CTSS: variants seen among roughly 807,000 people sequenced by gnomAD.
CTSS encodes the protein cathepsin S.
Under a neutral mutation model 39.9 loss-of-function variants are expected in CTSS, and 15 were observed. The observed-to-expected ratio is 0.38, with a 90% CI of 0.25 to 0.58. CTSS has a LOEUF of 0.58. Ranked by LOEUF, CTSS falls within the 20% of genes least tolerant of loss-of-function variation. The pLI is 0.70. For missense variants in CTSS, 250 were observed against 398.2 expected (o/e 0.63, Z 3.17); for synonymous variants, 126 against 138.2 (o/e 0.91, Z 0.62).
At chr1:150,733,930 T>G (rs891979311) in intron 7 of CTSS, among the ~76,000 whole-genome samples, 5 of 152,172 alleles carry the variant, frequency 3.3e-5, no homozygotes, top group Admixed American at 6.5e-5. Flanking sequence ...TTCGAGTAGA[T>G]CAGTGTTTCA....
chr1:150,752,091 G>T, intron 4 of CTSS, 83 bp from the exon 5 acceptor site: 2 of 1,378,866 alleles, frequency 1.5e-6, no homozygotes, highest in Non-Finnish European at 2.0e-6. Context: ...ACAACGCTCA[G>T]CTACATCAGT....
At position 150,751,952 on chromosome 1, in the gene CTSS, C is replaced by T. The variant is rs1653017059; in HGVS notation, c.456G>A (p.Leu152=). The T allele has an allele frequency of 1.9e-6, 3 of 1,614,212 alleles. No homozygotes were observed. Among genetic ancestry groups the T allele is most frequent in the Non-Finnish European group, 2.5e-6 (3 of 1,180,042 alleles). ...FSAVGALEAQ[L]KLKTGKLVSL... The stretch of plus-strand genomic sequence containing the variant: ...ACACCAGCTTTCCTGTTTTCAGCTT[C>T]AGCTGTGCTTCCAGGGCCCCCACAG... Residue 152 remains leucine, a synonymous_variant, in exon 5 of 8, where the codon CTG becomes CTA. Transcript: ENST00000368985.
chr1:150,764,845 C>T, intron 1 of CTSS, 81 bp from the exon 2 acceptor site: 1 of 1,514,910 alleles, frequency 6.6e-7, no homozygotes, highest in South Asian at 1.2e-5. Flanking sequence ...GAGAAAATAA[C>T]AATGCAAAGT....
intron 7 of CTSS, among the ~76,000 whole-genome samples, chr1:150,747,555 A>C (rs1372909177): frequency 1.3e-5 from 2 of 152,170 alleles, no homozygotes; most frequent in East Asian, 3.8e-4. Context: ...TAATCACAGA[A>C]GTAGTACAGA....
At chr1:150,755,230 AT>A in intron 3 of CTSS, 80 bp from the exon 4 acceptor site, 2 of 1,496,110 alleles carry the variant, frequency 1.3e-6, no homozygotes, top group South Asian at 2.4e-5. Context: ...TGATTTTGTC[AT>A]TGTGAAAACA....
chr1:150,736,701 CCA>C (rs1652642053), intron 7 of CTSS, among the ~76,000 whole-genome samples: 1 of 152,060 alleles, frequency 6.6e-6, no homozygotes, highest in African/African-American at 2.4e-5. Flanking sequence ...TCAATTGCCC[CCA>C]GTTTTGCAAA....
chr1:150,735,438 T>C (rs1652614021), intron 7 of CTSS, among the ~76,000 whole-genome samples: 1 of 152,180 alleles, frequency 6.6e-6, no homozygotes, highest in African/African-American at 2.4e-5. Flanking sequence ...GGTCAGTCCT[T>C]CTCAAACATT....
intron 3 of CTSS, among the ~76,000 whole-genome samples, chr1:150,756,708 CTTTTTTT>C (rs72242218): frequency 2.9e-4 from 38 of 131,170 alleles, no homozygotes; most frequent in African/African-American, 9.2e-4. Context: ...TTCTTTCTTT[CTTTTTTT>C]TTTTTTTTTT....
intron 2 of CTSS, among the ~76,000 whole-genome samples, chr1:150,760,217 G>T (rs1653224314): frequency 6.6e-6 from 1 of 152,110 alleles, no homozygotes; most frequent in Non-Finnish European, 1.5e-5. Context: ...TTCATAAAGG[G>T]TGTGGGTGAG....
At chr1:150,738,335 G>T (rs1255939070) in intron 7 of CTSS, among the ~76,000 whole-genome samples, 1 of 152,132 alleles carries the variant, frequency 6.6e-6, no homozygotes, top group Admixed American at 6.5e-5. Context: ...ACAAATTGAA[G>T]GTTTGTGGCA....
At chr1:150,756,279 G>GT (rs1438251450) in intron 3 of CTSS, among the ~76,000 whole-genome samples, 1 of 152,142 alleles carries the variant, frequency 6.6e-6, no homozygotes, top group Admixed American at 6.5e-5. Flanking sequence ...TGATAACAAT[G>GT]TTTTCTACTG....
chr1:150,735,647 G>T (rs969694033), intron 7 of CTSS, among the ~76,000 whole-genome samples: 1 of 151,880 alleles, frequency 6.6e-6, no homozygotes, highest in African/African-American at 2.4e-5. Context: ...GGAGTGTGGT[G>T]GTGCAATCAC....
rs1652510119 is a variant in CTSS, at chr1:150,731,051, T to C, written c.*1995A>G. ...AAGAACCCATGTTTTTATTCTACTT[T>C]CAATACTTGAAAAGTTGTGGATAAA... On this transcript the variant is annotated 3_prime_UTR_variant, in exon 8 of 8. Transcript: ENST00000368985. 6.6e-6 allele frequency: 1 copy of C among 152,214 alleles called. No homozygotes were observed. The highest frequency in any genetic ancestry group is 2.4e-5 in the African/African-American group (1 of 41,462). The allele number at this position is 152,214 out of a possible 1,614,324, so 9.4% of individuals were successfully genotyped here.
chr1:150,741,228 C>A (rs1340708890), intron 7 of CTSS, among the ~76,000 whole-genome samples: 2 of 151,518 alleles, frequency 1.3e-5, no homozygotes, highest in African/African-American at 4.9e-5. Context: ...AAACTCCTGG[C>A]CTCAAGTGAT....
chr1:150,737,573 G>A (rs1446882564), intron 7 of CTSS, among the ~76,000 whole-genome samples: 1 of 152,082 alleles, frequency 6.6e-6, no homozygotes, highest in African/African-American at 2.4e-5. Flanking sequence ...CATATTATAA[G>A]GCTACTAACT....
chr1:150,746,736 G>A (rs377010982), intron 7 of CTSS, among the ~76,000 whole-genome samples: 16 of 152,088 alleles, frequency 1.1e-4, no homozygotes, highest in African/African-American at 3.4e-4. Context: ...ATGAAGGAAG[G>A]TATTACAGAT....
chr1:150,758,039 T>A, intron 2 of CTSS, 59 bp from the exon 3 acceptor site: 2 of 1,543,054 alleles, frequency 1.3e-6, no homozygotes, highest in African/African-American at 1.4e-5. Context: ...AAGTGTTTGA[T>A]GATGAAAATG....
At chr1:150,752,720 A>T (rs1402933534) in intron 4 of CTSS, among the ~76,000 whole-genome samples, 2 of 152,230 alleles carry the variant, frequency 1.3e-5, no homozygotes, top group Non-Finnish European at 2.9e-5. Flanking sequence ...CTCAGAGTTA[A>T]CATCTAAATA....
In CTSS at chr1:150,732,165, C is replaced by G. The variant is rs1243563068; in HGVS notation, c.*881G>C. On this transcript the variant is annotated 3_prime_UTR_variant, in exon 8 of 8. Coordinates refer to ENST00000368985, the MANE Select transcript of CTSS (RefSeq NM_004079.5). ...GCTCAAGACGATCCTCCTACTTCAG[C>G]CTCCCAAAGTGTTGGGATTACAGGC... 6.6e-6 allele frequency: 1 copy of G among 152,340 alleles called. No homozygotes were observed. Among genetic ancestry groups the G allele is most frequent in the Admixed American group, 6.5e-5 (1 of 15,274 alleles). The allele number at this position is 152,340 out of a possible 1,614,324, so 9.4% of individuals were successfully genotyped here.
Sources: gnomAD v4.1 joint callset for allele counts (sites outside exome capture counted in the v4.1 genomes callset) on GRCh38, gnomAD v4.1.1 for gene constraint, MANE v1.5 for transcripts, NCBI Gene and HGNC (gene_info 2026-07-23, HGNC 2026-07-21) for gene names.